Variants in SGCZ observed in about 807,000 individuals in gnomAD.
The protein encoded by SGCZ is sarcoglycan zeta, also known as zeta-sarcoglycan.
SGCZ carries 40 observed loss-of-function variants against 41.3 expected under a neutral mutation model. The observed-to-expected ratio is 0.97, with a 90% confidence interval of 0.75 to 1.26. The LOEUF (loss-of-function observed/expected upper bound fraction) is 1.26. SGCZ is among the 50% of genes most tolerant of loss of function. SGCZ has a pLI of 0.00. For missense variants in SGCZ, 552 were observed against 369.8 expected (o/e 1.49, Z -4.04); for synonymous variants, 206 against 137.5 (o/e 1.50, Z -3.49).
At chr8:15,205,206 T>G (rs1801021769) in intron 1 of SGCZ, among the ~76,000 whole-genome samples, 1 of 152,084 alleles carries the variant, frequency 6.6e-6, no homozygotes, top group African/African-American at 2.4e-5. Context: ...GGCAAAGATT[T>G]CATTACAAAG....
chr8:14,127,162 T>TA (rs1318286169), intron 5 of SGCZ, among the ~76,000 whole-genome samples: 2 of 150,436 alleles, frequency 1.3e-5, no homozygotes, highest in East Asian at 3.9e-4. Context: ...TAAAGTAAGA[T>TA]AAAATTAAAA....
intron 2 of SGCZ, among the ~76,000 whole-genome samples, chr8:14,377,240 C>G (rs1313907930): frequency 6.6e-6 from 1 of 152,120 alleles, no homozygotes; most frequent in East Asian, 1.9e-4. Context: ...CCTAATAGAA[C>G]TTCCATAAAA....
intron 1 of SGCZ, among the ~76,000 whole-genome samples, chr8:15,204,735 T>C (rs533767660): frequency 1.3e-5 from 2 of 152,258 alleles, no homozygotes; most frequent in East Asian, 3.9e-4. Context: ...CACATAATAT[T>C]AATCATCTCT....
At chr8:15,087,800 A>G (rs569456795) in intron 1 of SGCZ, among the ~76,000 whole-genome samples, 33 of 152,282 alleles carry the variant, frequency 2.2e-4, no homozygotes, top group Admixed American at 1.7e-3. Flanking sequence ...TACTCATAGT[A>G]TGAAGAAATT....
intron 1 of SGCZ, among the ~76,000 whole-genome samples, chr8:15,137,768 C>G (rs566366338): frequency 6.6e-6 from 1 of 152,194 alleles, no homozygotes; most frequent in South Asian, 2.1e-4. Flanking sequence ...AATGTCCAGG[C>G]AGAAGTTTGC....
At chr8:14,141,256 G>A (rs903110640) in intron 5 of SGCZ, among the ~76,000 whole-genome samples, 1 of 152,076 alleles carries the variant, frequency 6.6e-6, no homozygotes, top group African/African-American at 2.4e-5. Flanking sequence ...CACAGGCATG[G>A]GCAAGAACTT....
intron 2 of SGCZ, among the ~76,000 whole-genome samples, chr8:14,521,838 A>G (rs1175637467): frequency 6.6e-6 from 1 of 152,098 alleles, no homozygotes; most frequent in Non-Finnish European, 1.5e-5. Flanking sequence ...TTTGTCCCTG[A>G]TCTTAGGAGG....
intron 1 of SGCZ, among the ~76,000 whole-genome samples, chr8:14,924,088 T>A (rs1799671336): frequency 6.6e-6 from 1 of 152,210 alleles, no homozygotes; most frequent in Admixed American, 6.5e-5. Flanking sequence ...GTAAAGCCAC[T>A]CGCACCTGCA....
intron 2 of SGCZ, among the ~76,000 whole-genome samples, chr8:14,552,494 AT>A (rs1192558791): frequency 1.3e-5 from 2 of 152,154 alleles, no homozygotes; most frequent in East Asian, 3.9e-4. Context: ...TCAAAACATA[AT>A]TTTTTAAAAG....
At chr8:14,418,714 A>G (rs1799562431) in intron 2 of SGCZ, among the ~76,000 whole-genome samples, 1 of 151,990 alleles carries the variant, frequency 6.6e-6, no homozygotes, top group Non-Finnish European at 1.5e-5. Context: ...TTTATATTTT[A>G]TAAAATATTG....
intron 4 of SGCZ, among the ~76,000 whole-genome samples, chr8:14,217,352 C>A (rs895560094): frequency 2.1e-5 from 3 of 146,272 alleles, no homozygotes; most frequent in Non-Finnish European, 4.5e-5. Flanking sequence ...CACACGCACA[C>A]ATACAAATGG....
At chr8:14,271,248 A>C (rs1180092910) in intron 3 of SGCZ, among the ~76,000 whole-genome samples, 1 of 152,182 alleles carries the variant, frequency 6.6e-6, no homozygotes, top group Non-Finnish European at 1.5e-5. Flanking sequence ...AATAAAGGAA[A>C]TCTTAAAAAG....
intron 1 of SGCZ, among the ~76,000 whole-genome samples, chr8:15,154,209 A>C (rs978365105): frequency 6.6e-5 from 10 of 152,214 alleles, no homozygotes; most frequent in African/African-American, 2.4e-4. Flanking sequence ...AAGACAACCT[A>C]ACACAGTCAG....
intron 1 of SGCZ, among the ~76,000 whole-genome samples, chr8:14,906,938 TA>T (rs1302154799): frequency 6.6e-6 from 1 of 152,178 alleles, no homozygotes; most frequent in Non-Finnish European, 1.5e-5. Flanking sequence ...ACATATACTT[TA>T]AAAAAGGTGA....
chr8:14,555,268 C>G (rs867445166), intron 1 of SGCZ, among the ~76,000 whole-genome samples: 150 of 152,114 alleles, frequency 9.9e-4, no homozygotes, highest in African/African-American at 3.3e-3. Flanking sequence ...CCAAGTGATA[C>G]AGTTTGGATC....
intron 2 of SGCZ, among the ~76,000 whole-genome samples, chr8:14,511,620 G>A (rs2117076558): frequency 6.6e-6 from 1 of 152,158 alleles, no homozygotes; most frequent in East Asian, 1.9e-4. Flanking sequence ...TCACAAAGTA[G>A]CTAGAATACA....
chr8:14,403,471 C>T (rs537079307), intron 2 of SGCZ, among the ~76,000 whole-genome samples: 1 of 151,888 alleles, frequency 6.6e-6, no homozygotes, highest in Admixed American at 6.6e-5. Context: ...CCCATCAATA[C>T]CTAATTTATT....
chr8:14,202,010 C>T (rs1261568291), intron 4 of SGCZ, among the ~76,000 whole-genome samples: 1 of 152,112 alleles, frequency 6.6e-6, no homozygotes, highest in Admixed American at 6.6e-5. Flanking sequence ...CTCAGAACGC[C>T]CCACCTCCTA....
At chr8:14,855,754 C>A (rs1255334645) in intron 1 of SGCZ, among the ~76,000 whole-genome samples, 3 of 152,156 alleles carry the variant, frequency 2.0e-5, no homozygotes, top group Non-Finnish European at 4.4e-5. Flanking sequence ...AGCTCAAAGG[C>A]AGAACATGCC....
Sources: gnomAD v4.1 joint callset for allele counts (sites outside exome capture counted in the v4.1 genomes callset) on GRCh38, gnomAD v4.1.1 for gene constraint, MANE v1.5 for transcripts, NCBI Gene and HGNC (gene_info 2026-07-23, HGNC 2026-07-21) for gene names.